Variants in SIPA1L3 observed in about 807,000 individuals in gnomAD.
The protein encoded by SIPA1L3 is signal induced proliferation associated 1 like 3.
A neutral mutation model predicts 150.1 loss-of-function variants in SIPA1L3; 59 were observed. The ratio of observed to expected loss-of-function variants is 0.39; its 90% CI spans 0.32 to 0.49. SIPA1L3 has a LOEUF of 0.49. SIPA1L3 is among the 20% of genes least tolerant of loss of function. The pLI is 0.86. For missense variants in SIPA1L3, 2,211 were observed against 2,489.5 expected, an observed-to-expected ratio of 0.89 and a Z score of 2.38; for synonymous variants, 1,070 against 1,077.6, an observed-to-expected ratio of 0.99 and a Z score of 0.14.
chr19:38,122,423 T>C (rs1971042542), intron 9 of SIPA1L3, among the ~76,000 whole-genome samples: 1 of 152,196 alleles, frequency 6.6e-6, no homozygotes, highest in Non-Finnish European at 1.5e-5. Context: ...GCTCCACTTC[T>C]GTAGGCAGGC....
At position 38,047,102 on chromosome 19, in the gene SIPA1L3, G is replaced by A. The variant is rs540654757; in HGVS notation, c.-311+17946G>A. On this transcript the variant is annotated intron_variant, in intron 2 of 21. Transcript: ENST00000222345. This position sits in a 1 kb window ranked among gnomAD's most constrained non-coding sequence, Gnocchi z 4.7. ...TTTACACATGAGGAAACTGAGGCAC[G>A]GATAAGTTGGGTTGTTTGCGTGAGC... 2.0e-5 allele frequency among the ~76,000 whole-genome samples: 3 copies of A among 152,290 alleles called. No individual in the cohort carries two copies. The highest frequency in any genetic ancestry group is 2.1e-4 in the South Asian group (1 of 4,822).
At chr19:38,173,441 C>G (rs755066181) in intron 15 of SIPA1L3, among the ~76,000 whole-genome samples, 14 of 152,278 alleles carry the variant, frequency 9.2e-5, no homozygotes, top group Non-Finnish European at 1.6e-4. Flanking sequence ...CTGAGTGATC[C>G]TGGGCGGGCA....
chr19:37,962,068 C>T (rs2046863200), intron 1 of SIPA1L3, among the ~76,000 whole-genome samples: 1 of 151,622 alleles, frequency 6.6e-6, no homozygotes, highest in African/African-American at 2.4e-5. Flanking sequence ...GTCTAGAAGG[C>T]AATTTCTATT....
chr19:37,928,464 G>C (rs1028656293), intron 1 of SIPA1L3, among the ~76,000 whole-genome samples: 1 of 152,100 alleles, frequency 6.6e-6, no homozygotes, highest in South Asian at 2.1e-4. Flanking sequence ...CCAGCTATTC[G>C]AGAGGCTGAG....
chr19:38,098,977 CCTTCT>C (rs1970439008), intron 4 of SIPA1L3, among the ~76,000 whole-genome samples: 2 of 151,762 alleles, frequency 1.3e-5, no homozygotes, highest in Admixed American at 6.6e-5. Context: ...TTTTCTTTTC[CCTTCT>C]CTTCTCTTCT....
chr19:37,988,052 C>T (rs1967406587), intron 1 of SIPA1L3, among the ~76,000 whole-genome samples: 2 of 152,304 alleles, frequency 1.3e-5, no homozygotes, highest in Middle Eastern at 3.4e-3. Context: ...CCTGTCTGTC[C>T]TTGGCTCCCA....
intron 2 of SIPA1L3, among the ~76,000 whole-genome samples, chr19:38,073,378 A>T (rs1481829759): frequency 6.6e-6 from 1 of 152,216 alleles, no homozygotes; most frequent in Non-Finnish European, 1.5e-5. Flanking sequence ...TCCTGGTGAC[A>T]TGAGATGACT....
chr19:38,027,203 G>A (rs1968534160), intron 1 of SIPA1L3, among the ~76,000 whole-genome samples: 1 of 152,128 alleles, frequency 6.6e-6, no homozygotes, highest in Admixed American at 6.6e-5. Context: ...AGGCAGAATT[G>A]CTTGAGTCTG....
intron 12 of SIPA1L3, among the ~76,000 whole-genome samples, 179 bp from the exon 13 acceptor site, chr19:38,152,661 C>T (rs1438953069): frequency 2.0e-5 from 3 of 152,216 alleles, no homozygotes; most frequent in Non-Finnish European, 2.9e-5. Flanking sequence ...CCCGGACCCG[C>T]AGCTAATAGC....
chr19:38,201,794 TGGTCC>T, intron 19 of SIPA1L3, 63 bp from the exon 20 acceptor site: 1 of 1,516,844 alleles, frequency 6.6e-7, no homozygotes, highest in Non-Finnish European at 8.8e-7. Context: ...GGGAGAGGCG[TGGTCC>T]GTCTGTTGCG....
intron 1 of SIPA1L3, among the ~76,000 whole-genome samples, chr19:37,921,319 C>T (rs1568464231): frequency 2.6e-5 from 4 of 152,114 alleles, no homozygotes; most frequent in African/African-American, 4.8e-5. Context: ...AATTCTTATG[C>T]GGAAGTGGCA....
rs774620865 is a variant in SIPA1L3 at position 38,082,136 on chromosome 19, C to A, written c.571C>A (p.Arg191=). 1 of 1,606,090 alleles carries A rather than the reference C, an allele frequency of 6.2e-7. No homozygotes were observed. Among genetic ancestry groups the A allele is most frequent in the Admixed American group, 1.7e-5 (1 of 59,924 alleles). The change falls in exon 3 of 22, where the codon CGG becomes AGG. Residue 191 remains arginine (R), a synonymous_variant. Transcript: ENST00000222345. ...GGACGCGGGGGAGCCGCGGGGGGCC[C>A]GGCACACGGGGGCGCTGCCCCTCTT... ...AEDAGEPRGA[R]HTGALPLFRE...
chr19:37,912,072 TA>T (rs964134764), intron 1 of SIPA1L3, among the ~76,000 whole-genome samples: 4 of 149,454 alleles, frequency 2.7e-5, no homozygotes, highest in East Asian at 4.0e-4. Context: ...ACTCCATCTA[TA>T]AAAAAAAGAA....
At chr19:38,122,121 C>T (rs917895220) in intron 9 of SIPA1L3, among the ~76,000 whole-genome samples, 15 of 151,688 alleles carry the variant, frequency 9.9e-5, no homozygotes, top group Admixed American at 7.2e-4. Context: ...CTCGGGAGGC[C>T]GAGGGAAAAG....
rs137982936 is a variant in SIPA1L3, at chr19:38,118,833, C to T, written c.2292-473C>T. Among the ~76,000 whole-genome samples, 59 of 152,270 alleles carry T rather than the reference C, an allele frequency of 3.9e-4. 1 individual carries two copies. Among genetic ancestry groups the T allele is most frequent in the African/African-American group, 1.4e-3 (59 of 41,554 alleles). ...ACAGGTATGAGCCACTGCGCCCAGCCGACTTTTTATTAGATTTCGAATCTG... is the reference window on the plus strand; with the variant it reads ...ACAGGTATGAGCCACTGCGCCCAGCTGACTTTTTATTAGATTTCGAATCTG... On this transcript the variant is annotated intron_variant, in intron 8 of 21. Coordinates refer to ENST00000222345, the MANE Select transcript of SIPA1L3 (RefSeq NM_015073.3).
intron 10 of SIPA1L3, among the ~76,000 whole-genome samples, chr19:38,138,950 C>G (rs1016787115): frequency 7.0e-6 from 1 of 143,662 alleles, no homozygotes; most frequent in Non-Finnish European, 1.5e-5. Context: ...AATCCCAACA[C>G]TTTGGGAGGC....
intron 2 of SIPA1L3, among the ~76,000 whole-genome samples, chr19:38,041,483 C>T (rs1421699173): frequency 1.3e-5 from 2 of 151,856 alleles, no homozygotes; most frequent in African/African-American, 2.4e-5. Context: ...TTCACCATGT[C>T]GGCCAGGCTG....
chr19:38,020,626 C>T (rs1968351722), intron 1 of SIPA1L3, among the ~76,000 whole-genome samples: 2 of 152,162 alleles, frequency 1.3e-5, no homozygotes, highest in Admixed American at 1.3e-4. Flanking sequence ...GTGGGCTGGG[C>T]CTGGCCTTTA....
chr19:38,068,015 A>C (rs1969634313), intron 2 of SIPA1L3, among the ~76,000 whole-genome samples: 1 of 146,494 alleles, frequency 6.8e-6, no homozygotes, highest in African/African-American at 2.6e-5. Context: ...GAGGGGAAAA[A>C]TCAGATTTTT....
Sources: gnomAD v4.1 joint callset for allele counts (sites outside exome capture counted in the v4.1 genomes callset) on GRCh38, gnomAD v4.1.1 for gene constraint, Gnocchi (gnomAD v3.1) non-coding constraint, MANE v1.5 for transcripts, NCBI Gene and HGNC (gene_info 2026-07-23, HGNC 2026-07-21) for gene names.